DNAH17: variants seen among roughly 807,000 people sequenced by gnomAD.
DNAH17 encodes axonemal beta dynein heavy chain 17.
DNAH17 carries 376 observed loss-of-function variants against 485.6 expected under a neutral mutation model. The ratio of observed to expected loss-of-function variants is 0.77; its 90% CI spans 0.71 to 0.84. The LOEUF (loss-of-function observed/expected upper bound fraction) is 0.84, where lower values mean the gene tolerates loss of function less well. Ranked by LOEUF, DNAH17 falls within the 40% of genes least tolerant of loss-of-function variation. The pLI is 0.00. For synonymous variants in DNAH17, 3,031 were observed against 2,405.9 expected (o/e 1.26, Z -7.60); for missense variants, 6,370 against 5,839.3 (o/e 1.09, Z -2.96).
chr17:78,445,074 T>A (rs2087224561), intron 70 of DNAH17, among the ~76,000 whole-genome samples: 1 of 152,122 alleles, frequency 6.6e-6, no homozygotes, highest in Non-Finnish European at 1.5e-5. Context: ...TCTCTGCAAA[T>A]GGGGCCATTC....
At chr17:78,506,163 CAG>C (rs1226554993) in intron 30 of DNAH17, among the ~76,000 whole-genome samples, 36 of 105,050 alleles carry the variant, frequency 3.4e-4, no homozygotes, top group Middle Eastern at 6.0e-3. Context: ...TTTTTTGAGA[CAG>C]AGTCTCACTC....
At chr17:78,538,480 G>A (rs577450971) in intron 18 of DNAH17, among the ~76,000 whole-genome samples, 2 of 152,300 alleles carry the variant, frequency 1.3e-5, no homozygotes, top group East Asian at 3.9e-4. Context: ...TTGGACCTGT[G>A]GGTTATGAGC....
chr17:78,525,824 G>C (rs1451238869), intron 24 of DNAH17, among the ~76,000 whole-genome samples: 1 of 152,250 alleles, frequency 6.6e-6, no homozygotes, highest in Non-Finnish European at 1.5e-5. Context: ...CATCTCCATC[G>C]TGGCTTGAGG....
chr17:78,429,259 CATG>C lies in DNAH17; in HGVS notation c.12264_12266del (p.Ile4088del). On this transcript the variant is annotated inframe_deletion, in exon 76 of 81. Coordinates refer to ENST00000389840, the MANE Select transcript of DNAH17 (RefSeq NM_173628.4). ...AGTCATCTGTGATGTGGCCGCCATACATGATTTCACCAAAAAGGTAGCGGAGAT... is the reference window on the plus strand; with the variant it reads ...AGTCATCTGTGATGTGGCCGCCATACATTTCACCAAAAAGGTAGCGGAGAT... The C allele has an allele frequency of 2.5e-6, 4 of 1,613,998 alleles. No homozygotes were observed. The highest frequency in any genetic ancestry group is 3.4e-6 in the Non-Finnish European group (4 of 1,179,902).
rs773518444 is a variant in DNAH17, at chr17:78,502,921, G to A, written c.5047C>T (p.Pro1683Ser). The change falls in exon 32 of 81, where the codon CCG (proline) becomes TCG (serine). Residue 1683 changes from proline to serine, a missense_variant. Transcript: ENST00000389840. ...PEAVVTYEEK[P>S]REQWILDYPA... ...TAGTCCAGGATCCACTGCTCCCTCG[G>A]CTTCTCTTCGTAGGTCACCACGGCC... 6.2e-7 allele frequency: 1 copy of A among 1,613,958 alleles called. No homozygotes were observed. Among genetic ancestry groups the A allele is most frequent in the Non-Finnish European group, 8.5e-7 (1 of 1,179,948 alleles).
At chr17:78,545,169 T>A (rs1391985938) in intron 16 of DNAH17, among the ~76,000 whole-genome samples, 1 of 152,132 alleles carries the variant, frequency 6.6e-6, no homozygotes, top group African/African-American at 2.4e-5. Context: ...CTCTGGCCAG[T>A]GTTTGATATT....
At chr17:78,551,203 T>C (rs542895805) in intron 16 of DNAH17, among the ~76,000 whole-genome samples, 25 of 152,208 alleles carry the variant, frequency 1.6e-4, no homozygotes, top group Non-Finnish European at 2.9e-4. Flanking sequence ...GTTAGAACTG[T>C]ACTGCTTCTG....
intron 15 of DNAH17, among the ~76,000 whole-genome samples, chr17:78,552,174 C>G (rs1315135690): frequency 1.3e-5 from 2 of 152,158 alleles, no homozygotes; most frequent in Non-Finnish European, 2.9e-5. Context: ...GACCCTTCAC[C>G]CCACGTAGGA....
rs566173652 is a variant in DNAH17, at chr17:78,561,086, G to A, written c.1836-151C>T. ...CAGACTGAATATGCAAACAAGCAGT[G>A]GCCAGACCAAATGTTCAAATGGAAC... On this transcript the variant is annotated intron_variant, in intron 12 of 80. Transcript: ENST00000389840. 1.4e-4 allele frequency among the ~76,000 whole-genome samples: 22 copies of A among 152,150 alleles called. No homozygotes were observed. The South Asian group carries it at 4.4e-3, about 30-fold the overall frequency.
intron 44 of DNAH17, chr17:78,489,655 C>A (rs570134012): frequency 6.6e-6 from 1 of 152,362 alleles, no homozygotes; most frequent in East Asian, 1.9e-4. Context: ...TTGGTTTGTT[C>A]CACCTGTGAA....
At chr17:78,456,003 C>T (rs549466159) in intron 62 of DNAH17, among the ~76,000 whole-genome samples, 167 bp from the exon 63 acceptor site, 18 of 152,154 alleles carry the variant, frequency 1.2e-4, no homozygotes, top group African/African-American at 2.7e-4. Flanking sequence ...TAGAGAAGCC[C>T]GAATCATGCT....
chr17:78,508,320 G>T (rs1271139428), intron 27 of DNAH17, among the ~76,000 whole-genome samples: 1 of 152,128 alleles, frequency 6.6e-6, no homozygotes, highest in Non-Finnish European at 1.5e-5. Context: ...CACTAGGATG[G>T]GAAGTGGAGG....
intron 69 of DNAH17, among the ~76,000 whole-genome samples, chr17:78,446,984 G>A (rs2087335648): frequency 6.6e-6 from 1 of 151,938 alleles, no homozygotes; most frequent in Admixed American, 6.6e-5. Context: ...TGTTGCCCCG[G>A]CTGGAGTGTA....
chr17:78,457,264 G>C (rs978540908), intron 62 of DNAH17, among the ~76,000 whole-genome samples: 60 of 152,226 alleles, frequency 3.9e-4, no homozygotes, highest in African/African-American at 1.4e-3. Context: ...CCATCTACTT[G>C]GGAGACTGAG....
intron 71 of DNAH17, among the ~76,000 whole-genome samples, chr17:78,442,916 G>A (rs1470238588): frequency 2.6e-5 from 4 of 152,214 alleles, no homozygotes; most frequent in Non-Finnish European, 5.9e-5. Context: ...GGCCAGTGCT[G>A]GCTTTGTTAT....
At chr17:78,561,607 C>A (rs923332514) in intron 12 of DNAH17, 108 bp downstream of exon 12, 3 of 1,336,786 alleles carry the variant, frequency 2.2e-6, no homozygotes, top group Admixed American at 2.8e-5. Flanking sequence ...TGGGAGGTAA[C>A]AGTCTGGTCG....
At chr17:78,484,282 A>G (rs993195113) in intron 48 of DNAH17, among the ~76,000 whole-genome samples, 2 of 151,774 alleles carry the variant, frequency 1.3e-5, no homozygotes, top group East Asian at 1.9e-4. Context: ...TGGCTCTCAC[A>G]TCCTTGCCAC....
chr17:78,445,693 C>G lies in DNAH17; in HGVS notation c.11212-13G>C, dbSNP rs191565822. On this transcript the variant is annotated splice_polypyrimidine_tract_variant and intron_variant, in intron 69 of 80. Coordinates refer to ENST00000389840, the MANE Select transcript of DNAH17 (RefSeq NM_173628.4). Reference sequence around the variant, plus strand: ...TCATGGACAGGACCTGGGGGAACATCGAGGTGTACACACTTAACGCAGCCA... The same window carrying G: ...TCATGGACAGGACCTGGGGGAACATGGAGGTGTACACACTTAACGCAGCCA... The G allele has an allele frequency of 6.3e-7, 1 of 1,589,446 alleles. No individual in the cohort carries two copies. Among genetic ancestry groups the G allele is most frequent in the Admixed American group, 1.8e-5 (1 of 56,110 alleles).
At chr17:78,496,152 C>T (rs1297380897) in intron 37 of DNAH17, 120 bp from the exon 38 acceptor site, 4 of 1,112,206 alleles carry the variant, frequency 3.6e-6, no homozygotes, top group East Asian at 2.6e-5. Context: ...TTCAAACCTC[C>T]TAGTTTATTT....
Sources: allele counts gnomAD v4.1 joint callset (sites outside exome capture counted in the v4.1 genomes callset), GRCh38; gene constraint gnomAD v4.1.1; transcripts MANE v1.5; gene names NCBI Gene and HGNC (gene_info 2026-07-23, HGNC 2026-07-21).